Variants in CWF19L2 observed in about 807,000 individuals in gnomAD.
CWF19L2 encodes CWF19 like cell cycle control factor 2.
CWF19L2 carries 98 observed loss-of-function variants against 111.7 expected under a neutral mutation model. The ratio of observed to expected loss-of-function variants is 0.88; its 90% confidence interval spans 0.75 to 1.04. The LOEUF (loss-of-function observed/expected upper bound fraction) is 1.04, where lower values mean the gene tolerates loss of function less well. CWF19L2 is among the 50% of genes least tolerant of loss of function. CWF19L2 has a pLI of 0.00. For synonymous variants in CWF19L2, 351 were observed against 342.9 expected, an observed-to-expected ratio of 1.02 and a Z score of -0.26; for missense variants, 1,101 against 1,051.4, an observed-to-expected ratio of 1.05 and a Z score of -0.65.
At chr11:107,403,557 C>T in intron 10 of CWF19L2, 1 of 797,532 alleles carries the variant, frequency 1.3e-6, no homozygotes. Context: ...GTAGACGTGC[C>T]TTCTTCACCA....
intron 5 of CWF19L2, 126 bp downstream of exon 5, chr11:107,441,373 TCTCA>T (rs765892811): frequency 1.4e-5 from 10 of 706,000 alleles, no homozygotes; most frequent in South Asian, 7.7e-5. Context: ...TCATAGTTGT[TCTCA>T]CTAATTGTAT....
chr11:107,401,375 A>G (rs1860996974), intron 10 of CWF19L2, among the ~76,000 whole-genome samples: 1 of 152,254 alleles, frequency 6.6e-6, no homozygotes, highest in Admixed American at 6.5e-5. Flanking sequence ...AAGTTTCTGG[A>G]TACAAGATTA....
chr11:107,376,051 A>T (rs1248052428), intron 12 of CWF19L2, among the ~76,000 whole-genome samples: 1 of 124,638 alleles, frequency 8.0e-6, no homozygotes, highest in East Asian at 2.3e-4. Context: ...ACACTCTCCC[A>T]AGACTAAACC....
At chr11:107,411,044 G>T (rs1861149138) in intron 10 of CWF19L2, among the ~76,000 whole-genome samples, 1 of 151,318 alleles carries the variant, frequency 6.6e-6, no homozygotes, top group African/African-American at 2.4e-5. Flanking sequence ...TCAGGCTTAG[G>T]TCTATGCTTT....
intron 7 of CWF19L2, among the ~76,000 whole-genome samples, chr11:107,431,811 G>A (rs599677): frequency 0.18 from 27,158 of 152,062 alleles, 2,601 homozygotes; most frequent in Middle Eastern, 0.27. Flanking sequence ...CCATGTATAT[G>A]AGAAAATTTA....
At chr11:107,393,989 T>C (rs1401656712) in intron 10 of CWF19L2, among the ~76,000 whole-genome samples, 1 of 151,858 alleles carries the variant, frequency 6.6e-6, no homozygotes, top group Non-Finnish European at 1.5e-5. Flanking sequence ...AATATATCCC[T>C]GTAAAAAACC....
In CWF19L2 at chr11:107,455,694, A is replaced by G; in HGVS notation, c.188T>C (p.Val63Ala). The change falls in exon 2 of 18, where the codon GTG becomes GCG. Residue 63 changes from valine (V) to alanine (A), a missense_variant. Transcript: ENST00000282251. Reference sequence around the variant, plus strand: ...TGAGAACTGTTCAATTCTCTCATTCACATCAGGTAGCATCCATGTATCCTC... The same window carrying G: ...TGAGAACTGTTCAATTCTCTCATTCGCATCAGGTAGCATCCATGTATCCTC... ...RGEDTWMLPD[V>A]NERIEQFSQE... 6.5e-7 allele frequency: 1 copy of G among 1,549,992 alleles called. No individual in the cohort carries two copies. The highest frequency in any genetic ancestry group is 1.2e-5 in the South Asian group (1 of 83,856).
chr11:107,405,851 AAG>A (rs1491350044), intron 10 of CWF19L2, among the ~76,000 whole-genome samples: 185 of 13,734 alleles, frequency 0.013, no homozygotes, highest in African/African-American at 0.041. Flanking sequence ...AAAAAAAAAA[AAG>A]AAGAAGAAGA....
intron 12 of CWF19L2, among the ~76,000 whole-genome samples, chr11:107,355,242 C>T (rs7928411): frequency 0.013 from 2,001 of 152,032 alleles, 31 homozygotes; most frequent in African/African-American, 0.044. Flanking sequence ...ATGGTGAAAC[C>T]CCGTCTTTAC....
chr11:107,395,175 T>G (rs1860904933), intron 10 of CWF19L2, among the ~76,000 whole-genome samples: 1 of 152,138 alleles, frequency 6.6e-6, no homozygotes, highest in South Asian at 2.1e-4. Flanking sequence ...GCTGTTCTCG[T>G]GATAGTGAAT....
intron 12 of CWF19L2, among the ~76,000 whole-genome samples, chr11:107,380,993 A>G (rs1860677313): frequency 1.3e-5 from 2 of 152,236 alleles, no homozygotes; most frequent in African/African-American, 4.8e-5. Context: ...GATTCTACTT[A>G]TCATTAATTA....
chr11:107,401,211 G>A (rs886844340), intron 10 of CWF19L2, among the ~76,000 whole-genome samples: 2 of 152,132 alleles, frequency 1.3e-5, no homozygotes, highest in African/African-American at 4.8e-5. Flanking sequence ...GGAAGCCCTA[G>A]CCAGAGCAAT....
At chr11:107,450,243 A>T (rs938644069) in intron 3 of CWF19L2, among the ~76,000 whole-genome samples, 91 of 152,158 alleles carry the variant, frequency 6.0e-4, no homozygotes, top group African/African-American at 2.0e-3. Context: ...ATCTCTACAA[A>T]ATATATATAG....
chr11:107,410,650 A>G (rs1211105878), intron 10 of CWF19L2, among the ~76,000 whole-genome samples: 1 of 152,226 alleles, frequency 6.6e-6, no homozygotes, highest in Non-Finnish European at 1.5e-5. Context: ...AATTTAAAAA[A>G]CAATCAGTAA....
At chr11:107,403,919 A>T in intron 10 of CWF19L2, 1 of 846,444 alleles carries the variant, frequency 1.2e-6, no homozygotes, top group African/African-American at 1.7e-5. Context: ...CTGAGGAACC[A>T]TTAAGGACTG....
At chr11:107,327,374 C>G (rs575477302) in intron 17 of CWF19L2, among the ~76,000 whole-genome samples, 2 of 152,122 alleles carry the variant, frequency 1.3e-5, no homozygotes, top group East Asian at 3.9e-4. Context: ...CTATTAGAGG[C>G]TCCCGTAAAC....
chr11:107,349,165 AATG>A, intron 13 of CWF19L2, 112 bp from the exon 14 acceptor site: 1 of 417,736 alleles, frequency 2.4e-6, no homozygotes, highest in Non-Finnish European at 4.3e-6. Flanking sequence ...AGTAGAAAAA[AATG>A]ATGAATATTT....
At chr11:107,327,441 C>T (rs1205847610) in intron 17 of CWF19L2, among the ~76,000 whole-genome samples, 1 of 152,174 alleles carries the variant, frequency 6.6e-6, no homozygotes, top group Non-Finnish European at 1.5e-5. Context: ...TGCTCAACTG[C>T]AGTTGAATCC....
intron 14 of CWF19L2, among the ~76,000 whole-genome samples, chr11:107,341,452 T>C (rs1481795747): frequency 6.6e-6 from 1 of 152,182 alleles, no homozygotes; most frequent in Non-Finnish European, 1.5e-5. Context: ...TTGGACATAG[T>C]GTGTTATTGT....
Sources: allele counts gnomAD v4.1 joint callset (sites outside exome capture counted in the v4.1 genomes callset), GRCh38; gene constraint gnomAD v4.1.1; transcripts MANE v1.5; gene names NCBI Gene and HGNC (gene_info 2026-07-23, HGNC 2026-07-21).